Variants in KCNT2 observed in about 807,000 individuals in gnomAD.
The protein encoded by KCNT2 is potassium sodium-activated channel subfamily T member 2.
In KCNT2, 67 loss-of-function variants were observed where a neutral mutation model predicts 153.8. The ratio of observed to expected loss-of-function variants is 0.44; its 90% CI spans 0.36 to 0.53. KCNT2 has a LOEUF of 0.53. Among genes scored for constraint, KCNT2 ranks in the 20% least tolerant of loss-of-function variants. KCNT2 has a pLI of 0.00. For synonymous variants in KCNT2, 500 were observed against 458.8 expected (o/e 1.09, Z -1.15); for missense variants, 975 against 1,354.8 (o/e 0.72, Z 4.40).
chr1:196,267,360 G>A (rs769522959), intron 25 of KCNT2, among the ~76,000 whole-genome samples: 4 of 152,122 alleles, frequency 2.6e-5, no homozygotes, highest in Non-Finnish European at 5.9e-5. Context: ...TGACACGCTC[G>A]AGAAACAATG....
intron 1 of KCNT2, among the ~76,000 whole-genome samples, chr1:196,591,836 T>C (rs930509723): frequency 6.6e-6 from 1 of 152,194 alleles, no homozygotes; most frequent in Admixed American, 6.5e-5. Context: ...AAAAGTTTAC[T>C]AGAATGAGAT....
At chr1:196,558,068 T>C (rs1658910510) in intron 1 of KCNT2, among the ~76,000 whole-genome samples, 1 of 151,400 alleles carries the variant, frequency 6.6e-6, no homozygotes, top group African/African-American at 2.4e-5. Context: ...CCAAAGTGGA[T>C]GAGGTACACT....
intron 1 of KCNT2, among the ~76,000 whole-genome samples, chr1:196,517,298 G>C (rs1046148677): frequency 1.3e-5 from 2 of 152,146 alleles, no homozygotes; most frequent in African/African-American, 4.8e-5. Context: ...AGCAGTTAAA[G>C]CAATATCCAC....
chr1:196,234,604 A>G (rs1316316068), intron 27 of KCNT2, among the ~76,000 whole-genome samples: 1 of 151,390 alleles, frequency 6.6e-6, no homozygotes, highest in Non-Finnish European at 1.5e-5. Context: ...TGTTTTCTGC[A>G]GAACTCTTTT....
At chr1:196,269,539 A>G (rs1657869570) in intron 25 of KCNT2, among the ~76,000 whole-genome samples, 2 of 152,162 alleles carry the variant, frequency 1.3e-5, no homozygotes, top group African/African-American at 4.8e-5. Flanking sequence ...GAAATTAGGA[A>G]TTAAGAATAT....
At chr1:196,292,188 G>A (rs190968453) in intron 22 of KCNT2, among the ~76,000 whole-genome samples, 2 of 152,174 alleles carry the variant, frequency 1.3e-5, no homozygotes, top group East Asian at 3.9e-4. Context: ...GTTCTACAGG[G>A]ATATATACTT....
At chr1:196,314,132 C>T (rs1282999697) in intron 21 of KCNT2, among the ~76,000 whole-genome samples, 1 of 151,292 alleles carries the variant, frequency 6.6e-6, no homozygotes, top group African/African-American at 2.4e-5. Flanking sequence ...TTTATTATTT[C>T]CTTGGAATCA....
At chr1:196,386,866 T>C (rs921967422) in intron 13 of KCNT2, among the ~76,000 whole-genome samples, 3 of 152,090 alleles carry the variant, frequency 2.0e-5, no homozygotes, top group Non-Finnish European at 2.9e-5. Flanking sequence ...TATGAAAATA[T>C]TAAGTGAGAT....
intron 25 of KCNT2, among the ~76,000 whole-genome samples, chr1:196,264,898 T>A (rs1657387671): frequency 6.6e-6 from 1 of 152,158 alleles, no homozygotes; most frequent in Non-Finnish European, 1.5e-5. Flanking sequence ...CTCAAAGTGC[T>A]GGGATTACAG....
chr1:196,233,821 C>A (rs931212599), intron 27 of KCNT2, among the ~76,000 whole-genome samples: 1 of 151,372 alleles, frequency 6.6e-6, no homozygotes, highest in African/African-American at 2.4e-5. Context: ...AAACAAATAT[C>A]ATGTTTTCAT....
intron 1 of KCNT2, among the ~76,000 whole-genome samples, chr1:196,520,444 A>C (rs777153691): frequency 4.6e-5 from 7 of 151,884 alleles, no homozygotes; most frequent in Non-Finnish European, 7.4e-5. Flanking sequence ...TAATATTGAA[A>C]GTCCTGGCCA....
chr1:196,568,124 G>C (rs1189514015), intron 1 of KCNT2, among the ~76,000 whole-genome samples: 1 of 152,016 alleles, frequency 6.6e-6, no homozygotes, highest in East Asian at 1.9e-4. Context: ...TTATGTCAAC[G>C]GTCCCCAACC....
At chr1:196,540,334 T>A (rs1181843044) in intron 1 of KCNT2, among the ~76,000 whole-genome samples, 1 of 152,138 alleles carries the variant, frequency 6.6e-6, no homozygotes, top group Non-Finnish European at 1.5e-5. Context: ...AAAACTTAAA[T>A]TATAAACATA....
intron 25 of KCNT2, among the ~76,000 whole-genome samples, chr1:196,269,692 A>G (rs887828137): frequency 1.3e-5 from 2 of 152,100 alleles, no homozygotes; most frequent in Non-Finnish European, 2.9e-5. Flanking sequence ...AAAAATACCT[A>G]TTGTTATAAA....
chr1:196,353,578 T>C (rs567031153), intron 14 of KCNT2, among the ~76,000 whole-genome samples: 1 of 152,098 alleles, frequency 6.6e-6, no homozygotes, highest in South Asian at 2.1e-4. Context: ...TTCCATTAAC[T>C]TTTGGATTGT....
chr1:196,520,546 T>C (rs950324551), intron 1 of KCNT2, among the ~76,000 whole-genome samples: 4 of 151,880 alleles, frequency 2.6e-5, no homozygotes, highest in African/African-American at 7.2e-5. Flanking sequence ...TGATTCTCTA[T>C]CTAAAAAACT....
At chr1:196,236,826 A>G (rs1211075852) in intron 26 of KCNT2, among the ~76,000 whole-genome samples, 1 of 151,622 alleles carries the variant, frequency 6.6e-6, no homozygotes, top group Non-Finnish European at 1.5e-5. Flanking sequence ...ATAAAAGGCA[A>G]ACAGCTTTGT....
intron 1 of KCNT2, among the ~76,000 whole-genome samples, chr1:196,605,200 G>A (rs1474644565): frequency 1.3e-5 from 2 of 152,182 alleles, no homozygotes; most frequent in African/African-American, 4.8e-5. Context: ...CCAGAAAACA[G>A]CTATCTTGAT....
At chr1:196,280,156 CAA>C (rs1177560005) in intron 25 of KCNT2, among the ~76,000 whole-genome samples, 2 of 151,954 alleles carry the variant, frequency 1.3e-5, no homozygotes, top group African/African-American at 4.8e-5. Flanking sequence ...ATCTTTATTT[CAA>C]AAAAGAGTCT....
Sources: allele counts gnomAD v4.1 joint callset (sites outside exome capture counted in the v4.1 genomes callset), GRCh38; gene constraint gnomAD v4.1.1; transcripts MANE v1.5; gene names NCBI Gene and HGNC (gene_info 2026-07-23, HGNC 2026-07-21).